The following ZFYVE9 variants were observed in gnomAD, a reference collection of about 807,000 sequenced individuals.
ZFYVE9 encodes zinc finger FYVE domain-containing protein 9.
In ZFYVE9, 43 loss-of-function variants were observed where a neutral mutation model predicts 126.7. That is an observed-to-expected ratio of 0.34 (90% CI 0.27 to 0.44). The LOEUF (loss-of-function observed/expected upper bound fraction) is 0.44. Ranked by LOEUF, ZFYVE9 falls within the 20% of genes least tolerant of loss-of-function variation. ZFYVE9 has a pLI of 1.00. For synonymous variants in ZFYVE9, 521 were observed against 597.4 expected, an observed-to-expected ratio of 0.87 and a Z score of 1.87; for missense variants, 1,476 against 1,697.0, an observed-to-expected ratio of 0.87 and a Z score of 2.29.
intron 17 of ZFYVE9, among the ~76,000 whole-genome samples, chr1:52,341,904 G>A (rs554993339): frequency 4.2e-4 from 64 of 152,336 alleles, no homozygotes; most frequent in African/African-American, 1.3e-3. Flanking sequence ...AGTCTGGAAC[G>A]TGTAAAACAC....
At chr1:52,263,170 C>T (rs1314883359) in intron 4 of ZFYVE9, among the ~76,000 whole-genome samples, 1 of 151,206 alleles carries the variant, frequency 6.6e-6, no homozygotes, top group Non-Finnish European at 1.5e-5. Context: ...GTGAGATTAC[C>T]AGGAACCAAG....
rs1045588719 is a variant in ZFYVE9 at position 52,296,112 on chromosome 1, A to G, written c.3333+135A>G. On this transcript the variant is annotated intron_variant, in intron 12 of 18. Transcript: ENST00000287727. ...TAAAGATATATGCTGAAGAAAAAGAACAGTATATGTATGTGTATATATATA... is the reference window on the plus strand; with the variant it reads ...TAAAGATATATGCTGAAGAAAAAGAGCAGTATATGTATGTGTATATATATA... 12 of 597,674 alleles carry G rather than the reference A, an allele frequency of 2.0e-5. No individual in the cohort carries two copies. The African/African-American group carries it at 2.1e-4, about 10-fold the overall frequency. The allele number at this position is 597,674 out of a possible 1,614,324, so 37.0% of individuals were successfully genotyped here.
At chr1:52,157,137 C>T (rs1411817142) in intron 1 of ZFYVE9, among the ~76,000 whole-genome samples, 1 of 151,998 alleles carries the variant, frequency 6.6e-6, no homozygotes, top group Non-Finnish European at 1.5e-5. Context: ...CGGCCTCCTT[C>T]CCCACTTTAT....
At position 52,238,579 on chromosome 1, in the gene ZFYVE9, A is replaced by G. The variant is rs186563643; in HGVS notation, c.1162A>G (p.Asn388Asp). The stretch of plus-strand genomic sequence containing the variant: ...AACTCTTGGCACTACAGAATTCCTT[A>G]ATATGACAGAGCATTTCTCTGAATC... ...EETLGTTEFL[N>D]MTEHFSESQD... The change falls in exon 4 of 19, where the codon AAT (asparagine) becomes GAT (aspartate). Residue 388 changes from asparagine (N) to aspartate (D), a missense_variant. Asn to Asp is a conservative substitution (Grantham distance 23, BLOSUM62 1). This residue lies in a region of ZFYVE9 where 807 missense variants were observed against 794.6 expected (regional missense o/e 1.02). Coordinates refer to ENST00000287727, the MANE Select transcript of ZFYVE9 (RefSeq NM_004799.4). The G allele has an allele frequency of 1.2e-6, 2 of 1,613,978 alleles. No homozygotes were observed. The highest frequency in any genetic ancestry group is 2.7e-5 in the African/African-American group (2 of 74,920).
intron 17 of ZFYVE9, among the ~76,000 whole-genome samples, chr1:52,343,098 A>AT (rs1244249436): frequency 6.6e-6 from 1 of 150,802 alleles, no homozygotes; most frequent in Non-Finnish European, 1.5e-5. Flanking sequence ...TGTTTTTTGT[A>AT]TTTTTAGTAG....
intron 1 of ZFYVE9, among the ~76,000 whole-genome samples, chr1:52,201,976 G>A (rs1376825291): frequency 6.6e-6 from 1 of 151,406 alleles, no homozygotes; most frequent in Non-Finnish European, 1.5e-5. Context: ...TAGAGACAGG[G>A]TTTCGCCACA....
At chr1:52,262,675 A>G (rs1645590823) in intron 4 of ZFYVE9, among the ~76,000 whole-genome samples, 1 of 152,214 alleles carries the variant, frequency 6.6e-6, no homozygotes, top group African/African-American at 2.4e-5. Context: ...AAAGTATAGG[A>G]TGCTTCTTGG....
intron 2 of ZFYVE9, among the ~76,000 whole-genome samples, chr1:52,231,781 T>G (rs903768544): frequency 1.3e-4 from 20 of 151,802 alleles, no homozygotes; most frequent in African/African-American, 4.6e-4. Context: ...ACGCTACCAC[T>G]CCTGCCTAAT....
intron 13 of ZFYVE9, among the ~76,000 whole-genome samples, chr1:52,330,069 A>G (rs1646326698): frequency 6.6e-6 from 1 of 152,120 alleles, no homozygotes; most frequent in African/African-American, 2.4e-5. Flanking sequence ...GTCTCTAAAA[A>G]AAAGACAACC....
chr1:52,255,896 CTTTTT>C (rs1485841897), intron 4 of ZFYVE9, among the ~76,000 whole-genome samples: 4 of 137,128 alleles, frequency 2.9e-5, no homozygotes, highest in Admixed American at 1.4e-4. Flanking sequence ...AGCTATTTTG[CTTTTT>C]TCTTTTCTTT....
chr1:52,233,319 G>A (rs1246756691), intron 3 of ZFYVE9, 43 bp downstream of exon 3: 2 of 1,422,612 alleles, frequency 1.4e-6, no homozygotes, highest in Non-Finnish European at 1.9e-6. Flanking sequence ...ATGTGGTATA[G>A]AGAATGTGGG....
intron 1 of ZFYVE9, among the ~76,000 whole-genome samples, chr1:52,174,115 T>C (rs1279083956): frequency 6.6e-6 from 1 of 152,236 alleles, no homozygotes; most frequent in African/African-American, 2.4e-5. Flanking sequence ...ATTTTGGATC[T>C]TTCCTGCTTT....
At position 52,268,590 on chromosome 1, in the gene ZFYVE9, C is replaced by T. The variant is rs749565856; in HGVS notation, c.2583C>T (p.His861=). Residue 861 remains histidine, a synonymous_variant, in exon 7 of 19, where the codon CAC becomes CAT. Coordinates refer to ENST00000287727, the MANE Select transcript of ZFYVE9 (RefSeq NM_004799.4). ...TSSAGTLAVS[H]DPVKPVTTSP... ...CTGCAGGAACCCTGGCTGTGTCACA[C>T]GACCCAGTCAAGCCAGTAACTACCA... 4.3e-6 allele frequency: 7 copies of T among 1,614,090 alleles called. No homozygotes were observed. Among genetic ancestry groups the T allele is most frequent in the East Asian group, 2.2e-5 (1 of 44,874 alleles).
intron 4 of ZFYVE9, among the ~76,000 whole-genome samples, chr1:52,260,030 CTT>C (rs908644314): frequency 1.3e-5 from 2 of 149,686 alleles, no homozygotes; most frequent in Non-Finnish European, 3.0e-5. Context: ...GTGTAGATCT[CTT>C]TGCACATGTG....
chr1:52,152,306 T>C (rs1299762467), intron 1 of ZFYVE9, among the ~76,000 whole-genome samples: 1 of 152,194 alleles, frequency 6.6e-6, no homozygotes, highest in Non-Finnish European at 1.5e-5. Flanking sequence ...CCCAAACTTA[T>C]TTGGTTGTGG....
At chr1:52,163,518 TTTTAG>T (rs969217414) in intron 1 of ZFYVE9, among the ~76,000 whole-genome samples, 31 of 152,242 alleles carry the variant, frequency 2.0e-4, no homozygotes, top group African/African-American at 7.5e-4. Flanking sequence ...ATTAATTTTC[TTTTAG>T]TTTAGGTCTG....
intron 17 of ZFYVE9, among the ~76,000 whole-genome samples, chr1:52,341,809 G>C (rs1646439766): frequency 6.6e-6 from 1 of 152,162 alleles, no homozygotes; most frequent in African/African-American, 2.4e-5. Flanking sequence ...TGCATAACAG[G>C]CTCCATGATT....
intron 4 of ZFYVE9, among the ~76,000 whole-genome samples, chr1:52,258,578 G>A (rs918249880): frequency 6.6e-6 from 1 of 152,130 alleles, no homozygotes; most frequent in African/African-American, 2.4e-5. Flanking sequence ...ATTTCATCTT[G>A]ATCTTTTTAG....
chr1:52,156,928 G>T (rs1644408192), intron 1 of ZFYVE9, among the ~76,000 whole-genome samples: 1 of 151,930 alleles, frequency 6.6e-6, no homozygotes, highest in Non-Finnish European at 1.5e-5. Flanking sequence ...TGCCTCTCGG[G>T]TTCACACCAT....
Sources: allele counts gnomAD v4.1 joint callset (sites outside exome capture counted in the v4.1 genomes callset), GRCh38; gene constraint gnomAD v4.1.1; regional missense constraint gnomAD v4.1.1; transcripts MANE v1.5; gene names NCBI Gene and HGNC (gene_info 2026-07-23, HGNC 2026-07-21).